The following DSCAML1 variants were observed in gnomAD, a reference collection of about 807,000 sequenced individuals.
DSCAML1 encodes cell adhesion molecule DSCAML1.
DSCAML1 carries 38 observed loss-of-function variants against 200.5 expected under a neutral mutation model. The observed-to-expected ratio is 0.19, with a 90% confidence interval of 0.15 to 0.25. The LOEUF (loss-of-function observed/expected upper bound fraction) is 0.25. DSCAML1 is among the 10% of genes least tolerant of loss of function. DSCAML1 has a pLI of 1.00. For missense variants in DSCAML1, 2,223 were observed against 2,858.8 expected (o/e 0.78, Z 5.07); for synonymous variants, 1,215 against 1,165.0 (o/e 1.04, Z -0.87).
In DSCAML1 at chr11:117,432,385, G is replaced by A; in HGVS notation, c.5146C>T (p.Leu1716Phe). ...GGCCGGATGTCAGACATGTCGATGA[G>A]GGGTCCTGTGCTCTGGATGAGGGTT... is the stretch of plus-strand genomic sequence containing the variant. ...HPTLIQSTGP[L>F]IDMSDIRPGT... The change falls in exon 30 of 33, where the codon CTC becomes TTC. Residue 1716 changes from leucine to phenylalanine, a missense_variant. By Grantham distance (22) the Leu-to-Phe change is conservative. Coordinates refer to ENST00000651296, the MANE Select transcript of DSCAML1 (RefSeq NM_020693.4). 6.2e-7 allele frequency: 1 copy of A among 1,614,072 alleles called. No individual in the cohort carries two copies. Among genetic ancestry groups the A allele is most frequent in the East Asian group, 2.2e-5 (1 of 44,874 alleles).
chr11:117,797,300 G>T (rs1774925018), upstream of DSCAML1: 4 of 1,319,256 alleles, frequency 3.0e-6, no homozygotes, highest in Non-Finnish European at 3.8e-6. Flanking sequence ...CCGCCCCCCC[G>T]CGGCACCCCG....
At chr11:117,567,700 A>G (rs2050781305) in intron 3 of DSCAML1, among the ~76,000 whole-genome samples, 1 of 152,254 alleles carries the variant, frequency 6.6e-6, no homozygotes, top group East Asian at 1.9e-4. Flanking sequence ...GAATAGACCA[A>G]TAACAGGAGC....
chr11:117,456,804 A>G (rs1174913031), intron 19 of DSCAML1, among the ~76,000 whole-genome samples: 1 of 151,676 alleles, frequency 6.6e-6, no homozygotes, highest in Non-Finnish European at 1.5e-5. Context: ...CCTCCTGAGT[A>G]GCTGGGACTA....
chr11:117,433,031 G>T (rs1790337537), intron 29 of DSCAML1, 107 bp downstream of exon 29: 2 of 963,106 alleles, frequency 2.1e-6, no homozygotes, highest in African/African-American at 3.2e-5. Flanking sequence ...TGGGGCTACT[G>T]CCAGAACCCT....
intron 3 of DSCAML1, among the ~76,000 whole-genome samples, chr11:117,618,192 G>T (rs1017367619): frequency 1.3e-5 from 2 of 152,128 alleles, no homozygotes; most frequent in Admixed American, 6.6e-5. Flanking sequence ...GGTTGGAAAG[G>T]GCCTAACCTC....
chr11:117,570,639 A>G (rs565249705), intron 3 of DSCAML1, among the ~76,000 whole-genome samples: 1 of 152,344 alleles, frequency 6.6e-6, no homozygotes, highest in South Asian at 2.1e-4. Flanking sequence ...AGGAATACCA[A>G]TCCCTTTACA....
chr11:117,693,365 T>C lies in DSCAML1; in HGVS notation c.511+83426A>G, dbSNP rs1036154277. The stretch of plus-strand genomic sequence containing the variant: ...TGAAAGGTGTTTCGGATCTTGATTC[T>C]GGAGTCCCACGTATCAGCTCTCCCT... On this transcript the variant is annotated intron_variant, in intron 3 of 32. Coordinates refer to ENST00000651296, the MANE Select transcript of DSCAML1 (RefSeq NM_020693.4). 4.6e-5 allele frequency among the ~76,000 whole-genome samples: 7 copies of C among 152,244 alleles called. 1 individual carries two copies. Among genetic ancestry groups the C allele is most frequent in the Admixed American group, 6.5e-5 (1 of 15,286 alleles).
At chr11:117,632,626 GT>G (rs1486237756) in intron 3 of DSCAML1, among the ~76,000 whole-genome samples, 1 of 152,196 alleles carries the variant, frequency 6.6e-6, no homozygotes, top group Admixed American at 6.5e-5. Flanking sequence ...CTTGCTTTGA[GT>G]TTTATGGCAT....
chr11:117,756,463 C>T (rs148715145), intron 3 of DSCAML1, among the ~76,000 whole-genome samples: 10 of 152,260 alleles, frequency 6.6e-5, no homozygotes, highest in Admixed American at 2.0e-4. Context: ...GAGCCAGAGC[C>T]AGCGACCACG....
chr11:117,635,560 C>G (rs955170529), intron 3 of DSCAML1, among the ~76,000 whole-genome samples: 4 of 149,252 alleles, frequency 2.7e-5, no homozygotes, highest in African/African-American at 9.9e-5. Flanking sequence ...GGACGAGGCT[C>G]AGAATAATAT....
At chr11:117,715,113 T>A (rs76244769) in intron 3 of DSCAML1, among the ~76,000 whole-genome samples, 5 of 149,584 alleles carry the variant, frequency 3.3e-5, no homozygotes, top group African/African-American at 1.2e-4. Flanking sequence ...AATAAGTCAT[T>A]AAAAAAAAAG....
rs542286224 is a variant in DSCAML1, at chr11:117,810,694, G to A, written c.-250+6696C>T. Among the ~76,000 whole-genome samples the A allele has an allele frequency of 2.6e-5, 4 of 152,052 alleles. No individual in the cohort carries two copies. The South Asian group carries it at 6.2e-4, about 24-fold the overall frequency. On this transcript the variant is annotated intron_variant, in intron 1 of 2. Transcript: ENST00000525836. The stretch of plus-strand genomic sequence containing the variant: ...TGCCGCTTGACCCCAATACAAACTC[G>A]ACAGTAGTTCCAAATAGCCGGAAAA...
Position 117,436,973 on chromosome 11 carries a change from C to G in DSCAML1, c.4720+149G>C, listed in dbSNP as rs2047930113. 3 of 1,152,828 alleles carry G rather than the reference C, an allele frequency of 2.6e-6. No homozygotes were observed. The Admixed American group carries it at 8.3e-5, about 32-fold the overall frequency. 71.4% of individuals were successfully genotyped at this position (1,152,828 alleles called of 1,614,324 possible). On this transcript the variant is annotated intron_variant, in intron 26 of 32. Coordinates refer to ENST00000651296, the MANE Select transcript of DSCAML1 (RefSeq NM_020693.4). ...CAAACCTGATGTCCCCTTTGTCAGC[C>G]CCTTCACCTGCAGGCCAGCATTTCC...
At chr11:117,484,347 C>T (rs796518665) in intron 11 of DSCAML1, among the ~76,000 whole-genome samples, 23 of 152,332 alleles carry the variant, frequency 1.5e-4, no homozygotes, top group African/African-American at 5.5e-4. Context: ...CACCACACAG[C>T]AAGCCACCTC....
At chr11:117,557,033 A>T (rs2050570642) in intron 3 of DSCAML1, among the ~76,000 whole-genome samples, 1 of 152,216 alleles carries the variant, frequency 6.6e-6, no homozygotes, top group Non-Finnish European at 1.5e-5. Context: ...ACACAGGACC[A>T]GGCAGGATGC....
At chr11:117,631,820 G>T (rs578207927) in intron 3 of DSCAML1, among the ~76,000 whole-genome samples, 3 of 152,356 alleles carry the variant, frequency 2.0e-5, no homozygotes, top group African/African-American at 7.2e-5. Flanking sequence ...GCTCTGGAGC[G>T]ACAGAGGCTG....
chr11:117,590,144 G>A (rs771953875), intron 3 of DSCAML1, among the ~76,000 whole-genome samples: 1 of 152,126 alleles, frequency 6.6e-6, no homozygotes, highest in Non-Finnish European at 1.5e-5. Context: ...GAACCCATGG[G>A]CTTGAGAGGC....
intron 3 of DSCAML1, among the ~76,000 whole-genome samples, chr11:117,720,390 G>A (rs2054022954): frequency 6.6e-6 from 1 of 152,076 alleles, no homozygotes; most frequent in African/African-American, 2.4e-5. Context: ...CAGACAGGCT[G>A]AAAGAGAAAA....
Position 117,516,385 on chromosome 11 carries a change from T to C in DSCAML1, c.1783+82A>G. On this transcript the variant is annotated intron_variant, in intron 8 of 32. Coordinates refer to ENST00000651296, the MANE Select transcript of DSCAML1 (RefSeq NM_020693.4). This position sits in a 1 kb window ranked among gnomAD's most constrained non-coding sequence, Gnocchi z 5.7. Reference sequence around the variant, plus strand: ...CCGTTCACCCAGGATTGCCTATTGTTGTCTGAGTCCCAGCTGGGGAAAGGC... The same window carrying C: ...CCGTTCACCCAGGATTGCCTATTGTCGTCTGAGTCCCAGCTGGGGAAAGGC... 1 of 1,525,040 alleles carries C rather than the reference T, an allele frequency of 6.6e-7. No individual in the cohort carries two copies. The highest frequency in any genetic ancestry group is 1.3e-5 in the South Asian group (1 of 78,680). 94.5% of individuals were successfully genotyped at this position (1,525,040 alleles called of 1,614,324 possible).
Sources: allele counts gnomAD v4.1 joint callset (sites outside exome capture counted in the v4.1 genomes callset), GRCh38; gene constraint gnomAD v4.1.1; non-coding constraint Gnocchi (gnomAD v3.1); transcripts MANE v1.5; gene names NCBI Gene and HGNC (gene_info 2026-07-23, HGNC 2026-07-21).